Variants in KLHDC4 observed in about 807,000 individuals in gnomAD.
KLHDC4 encodes kelch domain-containing protein 4.
In KLHDC4, 90 loss-of-function variants were observed where a neutral mutation model predicts 62.4. The ratio of observed to expected loss-of-function variants is 1.44; its 90% CI spans 1.22 to 1.72. The LOEUF (loss-of-function observed/expected upper bound fraction) is 1.72. KLHDC4 is among the 40% of genes most tolerant of loss of function. The probability of loss-of-function intolerance (pLI) is 0.00; values close to 1 mark genes in which losing one functional copy is unlikely to be tolerated. For missense variants in KLHDC4, 1,025 were observed against 699.7 expected (o/e 1.47, Z -5.25); for synonymous variants, 386 against 284.4 (o/e 1.36, Z -3.59).
At chr16:87,762,237 G>C (rs2045994856) in intron 1 of KLHDC4, 197 bp from the exon 2 acceptor site, 3 of 1,149,224 alleles carry the variant, frequency 2.6e-6, no homozygotes, top group East Asian at 2.7e-5. Flanking sequence ...AAGGCAGTCT[G>C]CTTAAAGGGT....
intron 4 of KLHDC4, among the ~76,000 whole-genome samples, chr16:87,752,216 G>A (rs568909818): frequency 1.3e-5 from 2 of 150,232 alleles, no homozygotes; most frequent in African/African-American, 4.9e-5. Context: ...ACACTTGCCT[G>A]GGCAATATAG....
At chr16:87,740,666 GCAGA>G (rs1269474544) in intron 5 of KLHDC4, 1 of 152,138 alleles carries the variant, frequency 6.6e-6, no homozygotes, top group African/African-American at 2.4e-5. Flanking sequence ...GCCAATAACC[GCAGA>G]CAGACTTTCA....
At chr16:87,761,614 G>A (rs780035990) in intron 2 of KLHDC4, among the ~76,000 whole-genome samples, 1 of 152,206 alleles carries the variant, frequency 6.6e-6, no homozygotes, top group Non-Finnish European at 1.5e-5. Context: ...TCAGCTTTCT[G>A]CCTACAGTAC....
Position 87,765,851 on chromosome 16 carries a change from C to T in KLHDC4, c.40G>A (p.Ala14Thr). Residue 14 changes from alanine (A) to threonine (T), a missense_variant, in exon 1 of 12, where the codon GCG becomes ACG. Ala to Thr is a moderately conservative substitution (Grantham distance 58). Transcript: ENST00000270583. ...KGKKEKKGRG[A>T]EKTAAKMEKK... ...TCCATCTTGGCGGCCGTCTTCTCCG[C>T]GCCGCGGCCCTTCTTCTCCTTCTTG... The T allele has an allele frequency of 6.4e-7, 1 of 1,554,200 alleles. No individual in the cohort carries two copies. The highest frequency in any genetic ancestry group is 1.4e-5 in the African/African-American group (1 of 73,496).
At chr16:87,746,976 G>A (rs1371310356) in intron 5 of KLHDC4, among the ~76,000 whole-genome samples, 1 of 152,222 alleles carries the variant, frequency 6.6e-6, no homozygotes, top group Non-Finnish European at 1.5e-5. Flanking sequence ...GATGCAGCTG[G>A]AGCTGCACAC....
intron 4 of KLHDC4, among the ~76,000 whole-genome samples, chr16:87,751,594 T>C (rs948174758): frequency 7.2e-5 from 11 of 152,118 alleles, no homozygotes; most frequent in East Asian, 5.8e-4. Context: ...TTTTTCAGAA[T>C]GAATATTTAC....
At chr16:87,713,346 C>T (rs534338463) in intron 8 of KLHDC4, among the ~76,000 whole-genome samples, 73 of 152,050 alleles carry the variant, frequency 4.8e-4, no homozygotes, top group African/African-American at 1.6e-3. Context: ...ACTACAGGCA[C>T]ACACGCCAGC....
chr16:87,731,715 CAA>C, intron 5 of KLHDC4, among the ~76,000 whole-genome samples: 1 of 152,246 alleles, frequency 6.6e-6, no homozygotes, highest in African/African-American at 2.4e-5. Context: ...GACATGGACT[CAA>C]GAGAAAGGAA....
At chr16:87,734,074 G>A (rs1037757268) in intron 5 of KLHDC4, among the ~76,000 whole-genome samples, 12 of 152,232 alleles carry the variant, frequency 7.9e-5, no homozygotes, top group East Asian at 1.9e-4. Flanking sequence ...GGCCGGGCGC[G>A]GTGGCTCACG....
chr16:87,741,829 A>C (rs1265854756), intron 5 of KLHDC4, among the ~76,000 whole-genome samples: 1 of 152,218 alleles, frequency 6.6e-6, no homozygotes, highest in East Asian at 1.9e-4. Flanking sequence ...CGCCAACTTC[A>C]CATCCTCGGC....
chr16:87,758,669 C>A (rs1167234530), intron 2 of KLHDC4, among the ~76,000 whole-genome samples: 1 of 152,278 alleles, frequency 6.6e-6, no homozygotes. Context: ...CTAACAATAG[C>A]TGATGAGCTT....
At chr16:87,711,115 TGA>T in intron 9 of KLHDC4, 118 bp downstream of exon 9, 2 of 933,150 alleles carry the variant, frequency 2.1e-6, no homozygotes, top group Non-Finnish European at 3.3e-6. Context: ...TCGCCCCTCT[TGA>T]GAGAGCTCAT....
At chr16:87,702,241 G>A (rs770148040) in exon 1 of KLHDC4, 17 of 456,344 alleles carry the variant, frequency 3.7e-5, no homozygotes, top group African/African-American at 2.6e-4. Flanking sequence ...CCTCCACAGT[G>A]GCTCTGCCAG....
intron 4 of KLHDC4, among the ~76,000 whole-genome samples, chr16:87,749,371 T>C (rs1451359931): frequency 7.2e-5 from 11 of 151,926 alleles, no homozygotes; most frequent in Non-Finnish European, 1.5e-4. Context: ...CTGGCCAACA[T>C]GGTGAAACCC....
At position 87,732,559 on chromosome 16, in the gene KLHDC4, C is replaced by T. The variant is rs530234746; in HGVS notation, c.507-1915G>A. On this transcript the variant is annotated intron_variant, in intron 5 of 11. Transcript: ENST00000270583. ...ACCTTAAAAATACACACAAATAATA[C>T]AATCACACACAAATAACACATAAAT... Among the ~76,000 whole-genome samples the T allele has an allele frequency of 4.5e-4, 69 of 152,256 alleles. 2 individuals carry two copies. The South Asian group carries it at 0.013, about 30-fold the overall frequency.
chr16:87,746,636 G>T (rs772690926), intron 5 of KLHDC4, among the ~76,000 whole-genome samples: 2 of 152,180 alleles, frequency 1.3e-5, no homozygotes, highest in African/African-American at 2.4e-5. Context: ...CTTAGGCCAA[G>T]GAGAACCAGA....
intron 11 of KLHDC4, 123 bp downstream of exon 11, chr16:87,708,227 A>C (rs2035033569): frequency 1.5e-6 from 1 of 672,086 alleles, no homozygotes; most frequent in Non-Finnish European, 2.5e-6. Flanking sequence ...TGCCCAAATT[A>C]CTCCACACAC....
chr16:87,711,458 C>T lies in KLHDC4; in HGVS notation c.836-15G>A, dbSNP rs2035812952. On this transcript the variant is annotated splice_polypyrimidine_tract_variant and intron_variant, in intron 8 of 11. Coordinates refer to ENST00000270583, the MANE Select transcript of KLHDC4 (RefSeq NM_017566.4). ...AACCCACTTGTCTGTCAAAAGAGAA[C>T]AAGGAAGTGGGATAAGAACACAAGG... 1.3e-6 allele frequency: 2 copies of T among 1,598,632 alleles called. No individual in the cohort carries two copies. Among genetic ancestry groups the T allele is most frequent in the Non-Finnish European group, 1.7e-6 (2 of 1,174,044 alleles).
intron 8 of KLHDC4, among the ~76,000 whole-genome samples, chr16:87,713,979 T>TA (rs2036413795): frequency 6.6e-6 from 1 of 152,098 alleles, no homozygotes; most frequent in South Asian, 2.1e-4. Context: ...TGAGGGCCAA[T>TA]AGCAGTCTCG....
Sources: allele counts gnomAD v4.1 joint callset (sites outside exome capture counted in the v4.1 genomes callset), GRCh38; gene constraint gnomAD v4.1.1; transcripts MANE v1.5; gene names NCBI Gene and HGNC (gene_info 2026-07-23, HGNC 2026-07-21).